Variants in ZFAND4 observed in about 807,000 individuals in gnomAD.
The protein encoded by ZFAND4 is AN1-type zinc finger protein 4.
In ZFAND4, 43 loss-of-function variants were observed where a neutral mutation model predicts 64.4. The observed-to-expected ratio is 0.67, with a 90% CI of 0.52 to 0.86. The LOEUF (loss-of-function observed/expected upper bound fraction) is 0.86. Ranked by LOEUF, ZFAND4 falls within the 40% of genes least tolerant of loss-of-function variation. The pLI is 0.00. For missense variants in ZFAND4, 929 were observed against 859.8 expected, an observed-to-expected ratio of 1.08 and a Z score of -1.01; for synonymous variants, 296 against 305.7, an observed-to-expected ratio of 0.97 and a Z score of 0.33.
At chr10:45,672,055 G>A (rs1166835995) in intron 1 of ZFAND4, among the ~76,000 whole-genome samples, 195 bp downstream of exon 1, 1 of 151,982 alleles carries the variant, frequency 6.6e-6, no homozygotes, top group African/African-American at 2.4e-5. Context: ...GGAATGTGAA[G>A]CTGCCATTAA....
chr10:45,640,093 T>C (rs1158651681), intron 5 of ZFAND4, 130 bp from the exon 6 acceptor site: 11 of 1,314,132 alleles, frequency 8.4e-6, no homozygotes, highest in African/African-American at 4.5e-5. Context: ...TCAATGTTAA[T>C]GTCAGGAAAA....
In ZFAND4 at chr10:45,653,170, T is replaced by C. The variant is rs977481813; in HGVS notation, c.185-111A>G. ...ACTAAGAGCACTAAAAAATTAAACA[T>C]TCTTCTAAATTGAATGCTAGGTGCT... On this transcript the variant is annotated intron_variant, in intron 2 of 9. Coordinates refer to ENST00000344646, the MANE Select transcript of ZFAND4 (RefSeq NM_174890.4). 5.1e-6 allele frequency: 4 copies of C among 783,010 alleles called. No individual in the cohort carries two copies. The African/African-American group carries it at 7.0e-5, about 14-fold the overall frequency. The allele number at this position is 783,010 out of a possible 1,614,324, so 48.5% of individuals were successfully genotyped here.
chr10:45,648,529 T>G lies in ZFAND4; in HGVS notation c.334A>C (p.Thr112Pro), dbSNP rs377244798. ...GCCATCTTCCTAAGTGGATCGTCTG[T>G]AGGAACTACAAATGGAAAATTGAAA... ...GGPINTRRVP[T>P]DDPLRKMAEY... Residue 112 changes from threonine (T) to proline (P), a missense_variant, in exon 5 of 10, where the codon ACA becomes CCA. By Grantham distance (38) the Thr-to-Pro change is conservative. Coordinates refer to ENST00000344646, the MANE Select transcript of ZFAND4 (RefSeq NM_174890.4). 5.6e-6 allele frequency: 9 copies of G among 1,594,754 alleles called. No individual in the cohort carries two copies. In the African/African-American group the frequency reaches 9.5e-5, roughly 17 times the overall value.
intron 6 of ZFAND4, among the ~76,000 whole-genome samples, chr10:45,638,741 A>T (rs1167426234): frequency 1.3e-5 from 2 of 152,216 alleles, no homozygotes; most frequent in African/African-American, 4.8e-5. Context: ...AATTGAGGTA[A>T]ATCAATCACA....
At chr10:45,655,998 G>A (rs562703899) in intron 2 of ZFAND4, among the ~76,000 whole-genome samples, 1,529 of 152,290 alleles carry the variant, frequency 0.01, 21 homozygotes, top group Non-Finnish European at 0.017. Flanking sequence ...TTGGGAGGCC[G>A]AGGTGGGTGG....
intron 7 of ZFAND4, 60 bp downstream of exon 7, chr10:45,625,891 T>C: frequency 1.4e-6 from 2 of 1,480,832 alleles, no homozygotes; most frequent in East Asian, 2.3e-5. Context: ...AACCAAACTT[T>C]AAATAAGTTG....
At chr10:45,621,364 A>G (rs1007376929) in intron 8 of ZFAND4, among the ~76,000 whole-genome samples, 14 of 151,926 alleles carry the variant, frequency 9.2e-5, no homozygotes, top group African/African-American at 3.4e-4. Flanking sequence ...CTGATACTTC[A>G]AATCTAAATG....
intron 6 of ZFAND4, among the ~76,000 whole-genome samples, chr10:45,635,952 A>C (rs1370877086): frequency 6.6e-6 from 1 of 152,202 alleles, no homozygotes; most frequent in Admixed American, 6.5e-5. Flanking sequence ...ATAAGTGTTC[A>C]TGGTAAAATT....
At chr10:45,658,862 C>G (rs2048299813) in intron 2 of ZFAND4, among the ~76,000 whole-genome samples, 1 of 152,150 alleles carries the variant, frequency 6.6e-6, no homozygotes, top group African/African-American at 2.4e-5. Flanking sequence ...ATATGGAGAA[C>G]TTTTAATTCA....
intron 2 of ZFAND4, 58 bp downstream of exon 2, chr10:45,663,484 G>C (rs1589435550): frequency 1.5e-6 from 2 of 1,328,212 alleles, no homozygotes; most frequent in East Asian, 4.8e-5. Context: ...AAAACTACTA[G>C]ACATTATTGA....
In ZFAND4 at chr10:45,616,446, G is replaced by A. The variant is rs763229201; in HGVS notation, c.2174C>T (p.Pro725Leu). The change falls in exon 10 of 10, where the codon CCA (proline) becomes CTA (leucine). Residue 725 changes from proline (P) to leucine (L), a missense_variant. Pro to Leu is a moderately conservative substitution (Grantham distance 98). Coordinates refer to ENST00000344646, the MANE Select transcript of ZFAND4 (RefSeq NM_174890.4). ...ANPVVNAPKLPKI is the reference protein window; with the variant it reads ...ANPVVNAPKLLKI ...GATGTAGAGGAAGAGTTAGATTTTTGGAAGCTTTGGTGCATTAACCACAGG... is the reference window on the plus strand; with the variant it reads ...GATGTAGAGGAAGAGTTAGATTTTTAGAAGCTTTGGTGCATTAACCACAGG... 3.7e-6 allele frequency: 6 copies of A among 1,613,892 alleles called. No individual in the cohort carries two copies. The highest frequency in any genetic ancestry group is 5.1e-6 in the Non-Finnish European group (6 of 1,179,912).
intron 6 of ZFAND4, among the ~76,000 whole-genome samples, chr10:45,636,636 C>CA (rs1011135218): frequency 0.021 from 2,501 of 120,058 alleles, 59 homozygotes; most frequent in African/African-American, 0.07. Flanking sequence ...GATTCTGTCT[C>CA]AAAAAAAAAA....
intron 1 of ZFAND4, among the ~76,000 whole-genome samples, chr10:45,667,224 T>C (rs1314094904): frequency 6.6e-6 from 1 of 152,198 alleles, no homozygotes; most frequent in African/African-American, 2.4e-5. Flanking sequence ...CTTTAAATGC[T>C]ATTACAAATG....
chr10:45,651,357 C>T (rs543886142), intron 4 of ZFAND4: 51 of 299,628 alleles, frequency 1.7e-4, no homozygotes, highest in Admixed American at 9.0e-4. Flanking sequence ...GGAGTTACAT[C>T]GACTCTTTAC....
intron 6 of ZFAND4, 41 bp downstream of exon 6, chr10:45,639,775 G>T (rs1234767573): frequency 1.9e-6 from 3 of 1,567,592 alleles, no homozygotes; most frequent in Admixed American, 3.9e-5. Flanking sequence ...CTCTGCAGGG[G>T]TAAGCTAGAG....
chr10:45,667,991 G>C (rs2048942958), intron 1 of ZFAND4, among the ~76,000 whole-genome samples: 2 of 152,158 alleles, frequency 1.3e-5, no homozygotes, highest in South Asian at 4.1e-4. Flanking sequence ...AATCATGAAG[G>C]GGTGCCAATT....
Position 45,626,255 on chromosome 10 carries a change from G to A in ZFAND4, c.1568C>T (p.Thr523Ile), listed in dbSNP as rs535799989. 38 of 1,614,024 alleles carry A rather than the reference G, an allele frequency of 2.4e-5. No homozygotes were observed. Among genetic ancestry groups the A allele is most frequent in the Non-Finnish European group, 2.8e-5 (33 of 1,180,038 alleles). ...QNITDSSFSR[T>I]TCFQGVKVDS... ...AACTTTAACACCTTGAAAGCAAGTA[G>A]TCCTAGAGAAAGAAGAATCAGTTAT... Residue 523 changes from threonine (T) to isoleucine (I), a missense_variant, in exon 7 of 10, where the codon ACT becomes ATT. Thr to Ile is a moderately conservative substitution (Grantham distance 89). Coordinates refer to ENST00000344646, the MANE Select transcript of ZFAND4 (RefSeq NM_174890.4).
At chr10:45,670,395 T>G (rs2049102507) in intron 1 of ZFAND4, among the ~76,000 whole-genome samples, 1 of 152,006 alleles carries the variant, frequency 6.6e-6, no homozygotes, top group African/African-American at 2.4e-5. Flanking sequence ...CCCGGCTAAT[T>G]TTTTTGCATT....
At chr10:45,621,517 C>T (rs1332532777) in intron 8 of ZFAND4, among the ~76,000 whole-genome samples, 1 of 151,244 alleles carries the variant, frequency 6.6e-6, no homozygotes, top group African/African-American at 2.4e-5. Flanking sequence ...CTGAGGTGGG[C>T]GGATCCCGAC....
Sources: allele counts gnomAD v4.1 joint callset (sites outside exome capture counted in the v4.1 genomes callset), GRCh38; gene constraint gnomAD v4.1.1; transcripts MANE v1.5; gene names NCBI Gene and HGNC (gene_info 2026-07-23, HGNC 2026-07-21).